CCNJL: variants seen among roughly 807,000 people sequenced by gnomAD.
The protein encoded by CCNJL is cyclin J like, also known as cyclin-J-like protein.
A neutral mutation model predicts 33.4 loss-of-function variants in CCNJL; 33 were observed. That is an observed-to-expected ratio of 0.99 (90% CI 0.75 to 1.32). CCNJL has a LOEUF of 1.32. Ranked by LOEUF, CCNJL falls within the 40% of genes most tolerant of loss-of-function variation. CCNJL has a pLI of 0.00. For missense variants in CCNJL, 512 were observed against 499.7 expected, an observed-to-expected ratio of 1.02 and a Z score of -0.23; for synonymous variants, 227 against 220.9, an observed-to-expected ratio of 1.03 and a Z score of -0.24.
chr5:160,282,338 G>C (rs1195543926), intron 2 of CCNJL, among the ~76,000 whole-genome samples: 1 of 152,108 alleles, frequency 6.6e-6, no homozygotes, highest in Admixed American at 6.5e-5. Context: ...TAAACGTTAA[G>C]ACTTACAACT....
At chr5:160,290,292 G>A (rs888197773) in intron 2 of CCNJL, among the ~76,000 whole-genome samples, 1 of 150,006 alleles carries the variant, frequency 6.7e-6, no homozygotes, top group Non-Finnish European at 1.5e-5. Flanking sequence ...TTTTGAGACA[G>A]TGTTGCTCTG....
chr5:160,310,444 A>T (rs1448901176), intron 2 of CCNJL, among the ~76,000 whole-genome samples: 1 of 152,212 alleles, frequency 6.6e-6, no homozygotes, highest in Non-Finnish European at 1.5e-5. Context: ...ATTGGACAGG[A>T]AGACAGCTAC....
chr5:160,304,517 G>A (rs1763029639), intron 2 of CCNJL, among the ~76,000 whole-genome samples: 1 of 151,980 alleles, frequency 6.6e-6, no homozygotes, highest in Non-Finnish European at 1.5e-5. Context: ...CTCACTTGAA[G>A]ACTGCAAACA....
chr5:160,306,374 T>C (rs1441530760), intron 2 of CCNJL, among the ~76,000 whole-genome samples: 3 of 151,734 alleles, frequency 2.0e-5, no homozygotes, highest in Non-Finnish European at 4.4e-5. Flanking sequence ...AGGTGGCTGG[T>C]TGCCCTGCAG....
At chr5:160,322,433 C>A (rs1328412876) in intron 1 of CCNJL, among the ~76,000 whole-genome samples, 1 of 152,070 alleles carries the variant, frequency 6.6e-6, no homozygotes, top group African/African-American at 2.4e-5. Context: ...AATAGTACTG[C>A]CTTTATGGGG....
chr5:160,304,693 G>T (rs1763034996), intron 2 of CCNJL, among the ~76,000 whole-genome samples: 1 of 152,060 alleles, frequency 6.6e-6, no homozygotes, highest in South Asian at 2.1e-4. Flanking sequence ...TGTGATTTGG[G>T]GGGAACTTTC....
At chr5:160,329,688 C>T (rs1763583232) in intron 1 of CCNJL, among the ~76,000 whole-genome samples, 1 of 152,112 alleles carries the variant, frequency 6.6e-6, no homozygotes, top group Non-Finnish European at 1.5e-5. Context: ...TGGAAATGAC[C>T]CATCTGCTTT....
chr5:160,292,633 A>ATG (rs1361503733), intron 2 of CCNJL, among the ~76,000 whole-genome samples: 2 of 151,826 alleles, frequency 1.3e-5, no homozygotes, highest in African/African-American at 4.8e-5. Context: ...GTGTATGTAT[A>ATG]TGTGTGTGTG....
At chr5:160,254,073 T>G (rs909808670) in intron 5 of CCNJL, 3 of 467,726 alleles carry the variant, frequency 6.4e-6, no homozygotes, top group African/African-American at 5.9e-5. Flanking sequence ...TGCTGCCCTA[T>G]CTCCACAGTC....
At chr5:160,288,755 G>A (rs1004466550) in intron 2 of CCNJL, among the ~76,000 whole-genome samples, 7 of 150,384 alleles carry the variant, frequency 4.7e-5, no homozygotes, top group East Asian at 2.0e-4. Flanking sequence ...GCATGAACCC[G>A]GGGGGGCGGA....
At chr5:160,272,672 C>T (rs1262145632) in intron 3 of CCNJL, among the ~76,000 whole-genome samples, 1 of 152,140 alleles carries the variant, frequency 6.6e-6, no homozygotes, top group East Asian at 1.9e-4. Context: ...ACTGTACCAC[C>T]AATGCTAACA....
At chr5:160,333,837 A>AG (rs1431494133) in intron 1 of CCNJL, among the ~76,000 whole-genome samples, 1 of 152,032 alleles carries the variant, frequency 6.6e-6, no homozygotes, top group African/African-American at 2.4e-5. Context: ...GTGGACCCCC[A>AG]GGGTTTTCCC....
intron 3 of CCNJL, among the ~76,000 whole-genome samples, chr5:160,267,344 T>C (rs1039650656): frequency 6.6e-5 from 10 of 151,970 alleles, no homozygotes; most frequent in African/African-American, 1.5e-4. Context: ...CTCAGAAAGG[T>C]TGAGTTACCC....
chr5:160,273,642 CTTTTTTTTTTT>C (rs56869675), intron 3 of CCNJL, among the ~76,000 whole-genome samples: 4 of 97,738 alleles, frequency 4.1e-5, no homozygotes, highest in African/African-American at 1.3e-4. Context: ...AGTGCCGCCA[CTTTTTTTTTTT>C]TTTTTTTTTT....
intron 3 of CCNJL, among the ~76,000 whole-genome samples, chr5:160,266,713 C>T (rs1289103522): frequency 6.6e-6 from 1 of 152,178 alleles, no homozygotes; most frequent in Non-Finnish European, 1.5e-5. Context: ...ATTCTTTGCA[C>T]TCCAGACCCG....
rs1253426583 is a variant in CCNJL at position 160,259,774 on chromosome 5, G to A, written c.281-3C>T. On this transcript the variant is annotated splice_polypyrimidine_tract_variant and splice_region_variant and intron_variant, in intron 3 of 5. Coordinates refer to ENST00000257536, the MANE Select transcript of CCNJL (RefSeq NM_001308173.3). ...GTCTTCCCGATCCTCGAACTTACCT[G>A]TCGGGGAGCAGGGGAAGCAGGGGTT... 2 of 1,599,272 alleles carry A rather than the reference G, an allele frequency of 1.3e-6. No homozygotes were observed. Among genetic ancestry groups the A allele is most frequent in the African/African-American group, 1.3e-5 (1 of 74,780 alleles).
rs1760862828 is a variant in CCNJL at position 160,252,802 on chromosome 5, T to A, written c.*576A>T. On this transcript the variant is annotated 3_prime_UTR_variant, in exon 6 of 6. Transcript: ENST00000257536. The stretch of plus-strand genomic sequence containing the variant: ...GCAGCACATGACATATCTAAAAGGC[T>A]GAAAATGGTTTTAGGTTCGAAAACA... The A allele has an allele frequency of 6.5e-6, 1 of 152,728 alleles. No homozygotes were observed. Among genetic ancestry groups the A allele is most frequent in the South Asian group, 2.1e-4 (1 of 4,828 alleles). The allele number at this position is 152,728 out of a possible 1,614,324, so 9.5% of individuals were successfully genotyped here.
intron 2 of CCNJL, among the ~76,000 whole-genome samples, chr5:160,291,440 CA>C (rs199897033): frequency 0.04 from 6,074 of 152,100 alleles, 258 homozygotes; most frequent in African/African-American, 0.11. Context: ...ATTTGTTCGT[CA>C]AAAAAATAAT....
At chr5:160,337,008 T>C (rs866143760) in intron 1 of CCNJL, among the ~76,000 whole-genome samples, 7,314 of 140,192 alleles carry the variant, frequency 0.052, 367 homozygotes, top group African/African-American at 0.15. Flanking sequence ...TCTTTCTTTT[T>C]TTTTTTTTTT....
Sources: gnomAD v4.1 joint callset for allele counts (sites outside exome capture counted in the v4.1 genomes callset) on GRCh38, gnomAD v4.1.1 for gene constraint, MANE v1.5 for transcripts, NCBI Gene and HGNC (gene_info 2026-07-23, HGNC 2026-07-21) for gene names.